CD96: variants seen among roughly 807,000 people sequenced by gnomAD.
The protein encoded by CD96 is T-cell surface protein tactile.
CD96 carries 70 observed loss-of-function variants against 71.3 expected under a neutral mutation model. The ratio of observed to expected loss-of-function variants is 0.98; its 90% confidence interval spans 0.81 to 1.20. The LOEUF is 1.20. CD96 is among the 50% of genes most tolerant of loss of function. CD96 has a pLI of 0.00. For missense variants in CD96, 742 were observed against 677.5 expected (o/e 1.10, Z -1.06); for synonymous variants, 248 against 233.0 (o/e 1.06, Z -0.59).
At chr3:111,585,646 T>C (rs1227471565) in intron 5 of CD96, among the ~76,000 whole-genome samples, 2 of 152,254 alleles carry the variant, frequency 1.3e-5, no homozygotes, top group Non-Finnish European at 2.9e-5. Context: ...TTTAAACTTC[T>C]CTTTTATAAA....
In CD96 at chr3:111,572,256, A is replaced by G. The variant is rs185272627; in HGVS notation, c.543+4609A>G. Among the ~76,000 whole-genome samples, 25 of 152,342 alleles carry G rather than the reference A, an allele frequency of 1.6e-4. 1 individual carries two copies. The East Asian group carries it at 4.2e-3, about 26-fold the overall frequency. On this transcript the variant is annotated intron_variant, in intron 3 of 13. Transcript: ENST00000352690. ...TCATAAAGGGAGTTTCCCTAGTGTCAGTCAGCATCATCTCACCTTTGAGTA... is the reference window on the plus strand; with the variant it reads ...TCATAAAGGGAGTTTCCCTAGTGTCGGTCAGCATCATCTCACCTTTGAGTA...
At chr3:111,558,056 T>C (rs1375436331) in intron 2 of CD96, among the ~76,000 whole-genome samples, 2 of 149,510 alleles carry the variant, frequency 1.3e-5, no homozygotes, top group Non-Finnish European at 3.0e-5. Flanking sequence ...ACATTGATTC[T>C]GTATCCTGAG....
chr3:111,592,777 T>A (rs1393475422), intron 5 of CD96: 2 of 152,242 alleles, frequency 1.3e-5, no homozygotes, highest in East Asian at 1.9e-4. Flanking sequence ...TGAATAAGTT[T>A]TATATAATCT....
At chr3:111,632,029 G>A (rs561824876) in intron 10 of CD96, among the ~76,000 whole-genome samples, 15 of 152,142 alleles carry the variant, frequency 9.9e-5, no homozygotes, top group African/African-American at 3.4e-4. Flanking sequence ...TAGAAGAAAA[G>A]CTAGGCTATA....
rs61139469 is a variant in CD96 at position 111,581,850 on chromosome 3, C to T, written c.751+2616C>T. Among the ~76,000 whole-genome samples the T allele has an allele frequency of 6.8e-3, 1,031 of 152,186 alleles. 21 individuals are homozygous for T. The highest frequency in any genetic ancestry group is 0.023 in the African/African-American group (975 of 41,492). On this transcript the variant is annotated intron_variant, in intron 4 of 13. Coordinates refer to ENST00000352690, the MANE Select transcript of CD96 (RefSeq NM_005816.5). ...TTTGGGTTCCCCTGAAATAAAACATCGAGATAAGGATTGCGGTTAATTTAT... is the reference window on the plus strand; with the variant it reads ...TTTGGGTTCCCCTGAAATAAAACATTGAGATAAGGATTGCGGTTAATTTAT...
chr3:111,610,532 A>G (rs577176937), intron 8 of CD96, among the ~76,000 whole-genome samples: 2 of 152,324 alleles, frequency 1.3e-5, no homozygotes, highest in African/African-American at 4.8e-5. Flanking sequence ...TTTTTAAACA[A>G]ATGTTGAAGG....
intron 4 of CD96, among the ~76,000 whole-genome samples, chr3:111,580,564 A>G (rs1402118763): frequency 1.3e-5 from 2 of 152,210 alleles, no homozygotes; most frequent in Non-Finnish European, 2.9e-5. Flanking sequence ...GGGCAGAGCA[A>G]GCAAAAAAAA....
intron 8 of CD96, among the ~76,000 whole-genome samples, chr3:111,621,170 T>C (rs1435769449): frequency 1.3e-5 from 2 of 152,246 alleles, no homozygotes; most frequent in Non-Finnish European, 2.9e-5. Flanking sequence ...CTGAGATTTC[T>C]AGGTAGTGGT....
chr3:111,637,385 G>A, intron 11 of CD96, 124 bp downstream of exon 11: 1 of 713,672 alleles, frequency 1.4e-6, no homozygotes, highest in Non-Finnish European at 2.6e-6. Flanking sequence ...ACATCTTGAT[G>A]ATGAAAATTA....
chr3:111,580,883 G>A (rs1404253163), intron 4 of CD96, among the ~76,000 whole-genome samples: 1 of 152,108 alleles, frequency 6.6e-6, no homozygotes, highest in African/African-American at 2.4e-5. Context: ...TGCTTCATCT[G>A]GTCTATTGTC....
chr3:111,661,346 G>T (rs1034495333), intron 14 of CD96, among the ~76,000 whole-genome samples: 1 of 152,028 alleles, frequency 6.6e-6, no homozygotes, highest in African/African-American at 2.4e-5. Flanking sequence ...CATTCCACTC[G>T]GGTCCTTCCC....
chr3:111,663,486 C>A (rs1019719151), intron 14 of CD96, among the ~76,000 whole-genome samples: 3 of 152,034 alleles, frequency 2.0e-5, no homozygotes, highest in Non-Finnish European at 4.4e-5. Flanking sequence ...GGCCTAATAT[C>A]CAGAATTTAA....
chr3:111,584,116 C>T (rs749856911), intron 4 of CD96, among the ~76,000 whole-genome samples: 14 of 152,168 alleles, frequency 9.2e-5, no homozygotes, highest in Non-Finnish European at 1.8e-4. Context: ...TCCTGCCAGA[C>T]ACCCTAAATC....
Position 111,620,130 on chromosome 3 carries a change from G to A in CD96, c.1181-3624G>A, listed in dbSNP as rs1212855424. On this transcript the variant is annotated intron_variant, in intron 8 of 13. Coordinates refer to ENST00000352690, the MANE Select transcript of CD96 (RefSeq NM_005816.5). The stretch of plus-strand genomic sequence containing the variant: ...GAAAGCTCCCACCCTCCCTCCGCTG[G>A]CCACAATCTCCCACTAAATTCCTTG... Among the ~76,000 whole-genome samples, 3 of 149,954 alleles carry A rather than the reference G, an allele frequency of 2.0e-5. No homozygotes were observed. In the East Asian group the frequency reaches 5.8e-4, roughly 29 times the overall value.
chr3:111,617,617 G>T (rs1452214310), intron 8 of CD96, among the ~76,000 whole-genome samples: 1 of 152,122 alleles, frequency 6.6e-6, no homozygotes. Flanking sequence ...GGGACAGCCT[G>T]CATATGGAAA....
intron 12 of CD96, among the ~76,000 whole-genome samples, chr3:111,639,587 C>T (rs1254012705): frequency 6.6e-6 from 1 of 152,138 alleles, no homozygotes; most frequent in Non-Finnish European, 1.5e-5. Flanking sequence ...CTTGGGAGTT[C>T]TAAGGCCCCG....
exon 15 of CD96, chr3:111,665,602 C>G (rs1400015487): frequency 6.6e-6 from 1 of 152,156 alleles, no homozygotes; most frequent in East Asian, 1.9e-4. Flanking sequence ...TTGATTTTCC[C>G]AAAACTCCAG....
intron 3 of CD96, chr3:111,577,596 T>C: frequency 8.4e-7 from 1 of 1,196,886 alleles, no homozygotes; most frequent in Non-Finnish European, 1.3e-6. Flanking sequence ...GTATGATTAT[T>C]TGCAGGCAAT....
chr3:111,608,188 T>C (rs1005547059), intron 8 of CD96, among the ~76,000 whole-genome samples: 2 of 142,034 alleles, frequency 1.4e-5, no homozygotes, highest in Admixed American at 6.8e-5. Context: ...TGGTCTCAGT[T>C]CCTCAGCACA....
Sources: gnomAD v4.1 joint callset for allele counts (sites outside exome capture counted in the v4.1 genomes callset) on GRCh38, gnomAD v4.1.1 for gene constraint, MANE v1.5 for transcripts, NCBI Gene and HGNC (gene_info 2026-07-23, HGNC 2026-07-21) for gene names.